Variants in MYO5B observed in about 807,000 individuals in gnomAD.
The protein encoded by MYO5B is unconventional myosin-Vb.
Under a neutral mutation model 229.3 loss-of-function variants are expected in MYO5B, and 143 were observed. The ratio of observed to expected loss-of-function variants is 0.62; its 90% CI spans 0.54 to 0.72. The LOEUF (loss-of-function observed/expected upper bound fraction) is 0.72, where lower values mean the gene tolerates loss of function less well. Ranked by LOEUF, MYO5B falls within the 30% of genes least tolerant of loss-of-function variation. MYO5B has a pLI of 0.00. For synonymous variants in MYO5B, 918 were observed against 885.2 expected, an observed-to-expected ratio of 1.04 and a Z score of -0.66; for missense variants, 2,321 against 2,331.0, an observed-to-expected ratio of 1.00 and a Z score of 0.09.
At chr18:49,907,343 T>C (rs1056775896) in intron 18 of MYO5B, among the ~76,000 whole-genome samples, 14 of 152,314 alleles carry the variant, frequency 9.2e-5, no homozygotes, top group East Asian at 1.9e-4. Context: ...AGGATGCAAA[T>C]AACCCCCAAA....
At chr18:50,083,527 G>A (rs1336600714) in intron 1 of MYO5B, among the ~76,000 whole-genome samples, 1 of 152,182 alleles carries the variant, frequency 6.6e-6, no homozygotes, top group East Asian at 1.9e-4. Flanking sequence ...TAGGAGCTGT[G>A]TGCCAAGAAC....
Position 50,157,357 on chromosome 18 carries a change from C to T in MYO5B, c.27+37410G>A, listed in dbSNP as rs527985837. 3.9e-5 allele frequency among the ~76,000 whole-genome samples: 6 copies of T among 152,288 alleles called. No individual in the cohort carries two copies. In the East Asian group the frequency reaches 5.8e-4, roughly 15 times the overall value. On this transcript the variant is annotated intron_variant, in intron 1 of 39. Coordinates refer to ENST00000285039, the MANE Select transcript of MYO5B (RefSeq NM_001080467.3). Reference sequence around the variant, plus strand: ...CTGACCTCAGGTGATTCATCTACCTCGGCCTGGATATCCTTTGAATATGGG... The same window carrying T: ...CTGACCTCAGGTGATTCATCTACCTTGGCCTGGATATCCTTTGAATATGGG...
At chr18:49,965,679 G>A (rs1195290807) in intron 10 of MYO5B, among the ~76,000 whole-genome samples, 1 of 152,202 alleles carries the variant, frequency 6.6e-6, no homozygotes, top group South Asian at 2.1e-4. Context: ...AAGCTGTGCT[G>A]CCCAAGGCCA....
At chr18:49,857,011 C>A (rs2024271138) in intron 29 of MYO5B, 121 bp from the exon 30 acceptor site, 2 of 789,762 alleles carry the variant, frequency 2.5e-6, no homozygotes, top group South Asian at 1.4e-5. Flanking sequence ...AGGCAAGGCT[C>A]AAGAACTCCC....
intron 15 of MYO5B, among the ~76,000 whole-genome samples, chr18:49,936,814 T>G (rs2025255612): frequency 6.6e-6 from 1 of 152,120 alleles, no homozygotes. Context: ...GCCAGGGACT[T>G]GACAAGCATT....
At chr18:50,165,059 C>A (rs1339720466) in intron 1 of MYO5B, among the ~76,000 whole-genome samples, 1 of 152,236 alleles carries the variant, frequency 6.6e-6, no homozygotes, top group Non-Finnish European at 1.5e-5. Context: ...CCCCTCACTG[C>A]AGCTGGGGGA....
rs1242766204 is a variant in MYO5B at position 49,937,355 on chromosome 18, C to A, written c.1795G>T (p.Val599Phe). 6.2e-7 allele frequency: 1 copy of A among 1,614,156 alleles called. No individual in the cohort carries two copies. Among genetic ancestry groups the A allele is most frequent in the Non-Finnish European group, 8.5e-7 (1 of 1,179,986 alleles). ...CCCTTCCCAGGGGTGGTGGCAGGAA[C>A]AGGGTCCTTGTCATCATGAAACAAG... Reference protein sequence around the residue: ...ADLFHDDKDPVPATTPGKGSS... With the variant: ...ADLFHDDKDPFPATTPGKGSS... Residue 599 changes from valine (V) to phenylalanine (F), a missense_variant, in exon 15 of 40, where the codon GTT becomes TTT. Val to Phe is a conservative substitution (Grantham distance 50). Transcript: ENST00000285039.
At position 49,847,127 on chromosome 18, in the gene MYO5B, T is replaced by TGG. The variant is rs1397359201; in HGVS notation, c.4459+17_4459+18dup. 1 of 1,613,372 alleles carries TGG rather than the reference T, an allele frequency of 6.2e-7. No homozygotes were observed. The highest frequency in any genetic ancestry group is 8.5e-7 in the Non-Finnish European group (1 of 1,179,860). ...TGAAGGAGGGGCAGGCAGCATAGGG[T>TGG]GGCACAGAGGGTCCTTACCTGTCAC... On this transcript the variant is annotated intron_variant, in intron 33 of 39. Transcript: ENST00000285039.
intron 21 of MYO5B, among the ~76,000 whole-genome samples, chr18:49,895,622 G>C (rs2024770209): frequency 6.6e-6 from 1 of 152,160 alleles, no homozygotes; most frequent in Non-Finnish European, 1.5e-5. Context: ...CTAATCGCTG[G>C]CTTTGAGACA....
At chr18:50,165,698 C>T (rs997826119) in intron 1 of MYO5B, among the ~76,000 whole-genome samples, 6 of 151,946 alleles carry the variant, frequency 3.9e-5, no homozygotes, top group Non-Finnish European at 7.4e-5. Context: ...ATCACTAGAA[C>T]CCAGGAAGCA....
chr18:49,908,770 A>G (rs1022819480), intron 18 of MYO5B, among the ~76,000 whole-genome samples: 3 of 152,186 alleles, frequency 2.0e-5, no homozygotes, highest in Admixed American at 1.3e-4. Context: ...GGTCCATGTA[A>G]TGCACTCTTT....
intron 4 of MYO5B, among the ~76,000 whole-genome samples, chr18:50,003,562 A>T (rs769733209): frequency 3.3e-5 from 5 of 152,214 alleles, no homozygotes; most frequent in Admixed American, 1.3e-4. Flanking sequence ...TATCTTCATT[A>T]TCAAGTCCTT....
At position 49,986,669 on chromosome 18, in the gene MYO5B, G is replaced by A. The variant is rs964091086; in HGVS notation, c.839-1844C>T. On this transcript the variant is annotated intron_variant, in intron 7 of 39. Transcript: ENST00000285039. Reference sequence around the variant, plus strand: ...CTTACCTAATCACTCAGCAAGCACCGGCACAGAGCAATACAACAGTTTCAA... The same window carrying A: ...CTTACCTAATCACTCAGCAAGCACCAGCACAGAGCAATACAACAGTTTCAA... 1.4e-4 allele frequency among the ~76,000 whole-genome samples: 22 copies of A among 152,266 alleles called. No homozygotes were observed. The Middle Eastern group carries it at 0.01, about 71-fold the overall frequency.
At chr18:49,947,907 G>T (rs551507989) in intron 14 of MYO5B, among the ~76,000 whole-genome samples, 27 of 152,218 alleles carry the variant, frequency 1.8e-4, no homozygotes, top group African/African-American at 5.8e-4. Flanking sequence ...CAACGTGCAG[G>T]TTTGTTACAT....
At chr18:49,875,610 C>T in intron 26 of MYO5B, 77 bp downstream of exon 26, 1 of 1,594,976 alleles carries the variant, frequency 6.3e-7, no homozygotes, top group East Asian at 2.2e-5. Flanking sequence ...TCACACATGC[C>T]ACATGAGCCC....
At chr18:50,104,056 CAGG>C (rs1259634634) in intron 1 of MYO5B, among the ~76,000 whole-genome samples, 3 of 146,762 alleles carry the variant, frequency 2.0e-5, no homozygotes, top group African/African-American at 5.0e-5. Flanking sequence ...CCTAGCTACT[CAGG>C]AGGCTGAGGC....
At chr18:50,107,096 T>C (rs1270620014) in intron 1 of MYO5B, among the ~76,000 whole-genome samples, 1 of 143,432 alleles carries the variant, frequency 7.0e-6, no homozygotes, top group African/African-American at 2.5e-5. Flanking sequence ...GGTTTCCTAA[T>C]GCCTTAGGGT....
intron 2 of MYO5B, among the ~76,000 whole-genome samples, chr18:50,043,951 T>C (rs940460077): frequency 1.3e-5 from 2 of 151,930 alleles, no homozygotes; most frequent in Admixed American, 1.3e-4. Flanking sequence ...GCTTGGGAGA[T>C]GGGTGCACCA....
intron 10 of MYO5B, among the ~76,000 whole-genome samples, chr18:49,969,297 T>C (rs1444475921): frequency 2.0e-5 from 3 of 152,226 alleles, no homozygotes; most frequent in Non-Finnish European, 4.4e-5. Context: ...AGGTTATTTA[T>C]GTTTATTTTG....
Sources: gnomAD v4.1 joint callset for allele counts (sites outside exome capture counted in the v4.1 genomes callset) on GRCh38, gnomAD v4.1.1 for gene constraint, MANE v1.5 for transcripts, NCBI Gene and HGNC (gene_info 2026-07-23, HGNC 2026-07-21) for gene names.